ENTREP2: variants seen among roughly 807,000 people sequenced by gnomAD.
ENTREP2 encodes protein ENTREP2.
the ENTREP2 span, among the ~76,000 whole-genome samples, chr15:29,382,933 G>T: frequency 6.6e-6 from 1 of 152,114 alleles, no homozygotes; most frequent in Non-Finnish European, 1.5e-5. Flanking sequence ...GACAAAGCTC[G>T]GTCCCCATCA....
At chr15:29,318,013 A>T in the ENTREP2 span, among the ~76,000 whole-genome samples, 1 of 152,196 alleles carries the variant, frequency 6.6e-6, no homozygotes, top group Non-Finnish European at 1.5e-5. Flanking sequence ...CATGGCTCTC[A>T]CAGGCAACAA....
At chr15:29,197,765 C>CA in the ENTREP2 span, among the ~76,000 whole-genome samples, 2,595 of 117,494 alleles carry the variant, frequency 0.022, 29 homozygotes, top group African/African-American at 0.034. Context: ...GACTCCATCT[C>CA]AAAAAAAAAA....
At chr15:29,223,796 AG>A in the ENTREP2 span, among the ~76,000 whole-genome samples, 1 of 152,168 alleles carries the variant, frequency 6.6e-6, no homozygotes, top group African/African-American at 2.4e-5. Flanking sequence ...TCCCTGCAAC[AG>A]GAAGGCCTCA....
At chr15:29,301,426 C>G in the ENTREP2 span, among the ~76,000 whole-genome samples, 14 of 152,198 alleles carry the variant, frequency 9.2e-5, no homozygotes, top group Non-Finnish European at 1.5e-4. Flanking sequence ...TTCAGATAAT[C>G]AGAGCACTTT....
the ENTREP2 span, among the ~76,000 whole-genome samples, chr15:29,304,974 T>A: frequency 6.6e-6 from 1 of 152,284 alleles, no homozygotes; most frequent in South Asian, 2.1e-4. Flanking sequence ...TCTGCCCCCA[T>A]CACTCCCTCA....
At chr15:29,570,144 C>A in the ENTREP2 span, among the ~76,000 whole-genome samples, 326 of 151,428 alleles carry the variant, frequency 2.2e-3, 1 homozygote, top group Non-Finnish European at 3.6e-3. Context: ...CCCACCTCCT[C>A]GCCTCGGCCG....
the ENTREP2 span, among the ~76,000 whole-genome samples, chr15:29,448,338 T>A: frequency 6.0e-4 from 92 of 152,244 alleles, no homozygotes; most frequent in African/African-American, 2.1e-3. Context: ...CCTTCAAGAA[T>A]CTCCCTGGCA....
At chr15:29,488,588 G>A in the ENTREP2 span, among the ~76,000 whole-genome samples, 1 of 152,146 alleles carries the variant, frequency 6.6e-6, no homozygotes, top group Non-Finnish European at 1.5e-5. Context: ...CAAGTGAGAT[G>A]AATACAAAGA....
the ENTREP2 span, among the ~76,000 whole-genome samples, chr15:29,308,554 C>T: frequency 8.5e-5 from 13 of 152,174 alleles, no homozygotes; most frequent in African/African-American, 2.9e-4. Context: ...GCGGCCCTAG[C>T]GCTCACTGCA....
chr15:29,187,427 C>T, the ENTREP2 span, among the ~76,000 whole-genome samples: 1 of 152,164 alleles, frequency 6.6e-6, no homozygotes, highest in African/African-American at 2.4e-5. Context: ...AGGCGTGTGC[C>T]ACCACGCCAG....
chr15:29,616,459 C>T, the ENTREP2 span, among the ~76,000 whole-genome samples: 2 of 152,128 alleles, frequency 1.3e-5, no homozygotes, highest in African/African-American at 4.8e-5. Flanking sequence ...GTGAGACAGT[C>T]ACACTCACAG....
chr15:29,360,108 A>T, the ENTREP2 span, among the ~76,000 whole-genome samples: 1 of 152,212 alleles, frequency 6.6e-6, no homozygotes, highest in Non-Finnish European at 1.5e-5. Context: ...TCAGCATTTT[A>T]TTCTGATGAT....
the ENTREP2 span, among the ~76,000 whole-genome samples, chr15:29,295,137 G>A: frequency 6.6e-6 from 1 of 152,222 alleles, no homozygotes; most frequent in Non-Finnish European, 1.5e-5. Context: ...TCAGGACTTC[G>A]TGAATGTGCT....
chr15:29,507,860 A>C, the ENTREP2 span, among the ~76,000 whole-genome samples: 1 of 152,178 alleles, frequency 6.6e-6, no homozygotes, highest in East Asian at 1.9e-4. Context: ...AGCAAGAGCA[A>C]ATAAATTCAA....
At chr15:29,446,120 G>C in the ENTREP2 span, among the ~76,000 whole-genome samples, 2 of 152,336 alleles carry the variant, frequency 1.3e-5, no homozygotes, top group Admixed American at 1.3e-4. Context: ...ACAGCAAGAA[G>C]GCATGATGCA....
At chr15:29,633,155 G>A in the ENTREP2 span, among the ~76,000 whole-genome samples, 1 of 152,176 alleles carries the variant, frequency 6.6e-6, no homozygotes, top group African/African-American at 2.4e-5. Context: ...TGCCTTCAGT[G>A]TGCCCCAGGA....
the ENTREP2 span, among the ~76,000 whole-genome samples, chr15:29,481,625 A>C: frequency 1.3e-5 from 2 of 152,228 alleles, no homozygotes; most frequent in Non-Finnish European, 2.9e-5. Context: ...AAGATTAAAA[A>C]TATTAAATTA....
the ENTREP2 span, among the ~76,000 whole-genome samples, chr15:29,507,265 T>TAA: frequency 6.6e-6 from 1 of 152,166 alleles, no homozygotes; most frequent in Non-Finnish European, 1.5e-5. Flanking sequence ...AGCAAGTTCT[T>TAA]AGAGACCTAG....
chr15:29,539,132 AC>A, the ENTREP2 span, among the ~76,000 whole-genome samples: 1 of 151,968 alleles, frequency 6.6e-6, no homozygotes, highest in African/African-American at 2.4e-5. Flanking sequence ...GAAACGCTGC[AC>A]CCGACAGAGG....
Sources: allele counts gnomAD v4.1 joint callset (sites outside exome capture counted in the v4.1 genomes callset), GRCh38; gene constraint gnomAD v4.1.1; transcripts MANE v1.5; gene names NCBI Gene and HGNC (gene_info 2026-07-23, HGNC 2026-07-21).